The following CPEB3 variants were observed in gnomAD, a reference collection of about 807,000 sequenced individuals.
CPEB3 encodes cytoplasmic polyadenylation element-binding protein 3.
In CPEB3, 20 loss-of-function variants were observed where a neutral mutation model predicts 67.2. That is an observed-to-expected ratio of 0.30 (90% CI 0.21 to 0.43). The LOEUF (loss-of-function observed/expected upper bound fraction) is 0.43. Ranked by LOEUF, CPEB3 falls within the 20% of genes least tolerant of loss-of-function variation. The probability of loss-of-function intolerance (pLI) is 1.00; values close to 1 mark genes in which losing one functional copy is unlikely to be tolerated. For missense variants in CPEB3, 746 were observed against 968.6 expected, an observed-to-expected ratio of 0.77 and a Z score of 3.05; for synonymous variants, 376 against 393.1, an observed-to-expected ratio of 0.96 and a Z score of 0.51.
intron 1 of CPEB3, among the ~76,000 whole-genome samples, chr10:92,252,670 A>G (rs928670783): frequency 6.6e-6 from 1 of 151,886 alleles, no homozygotes; most frequent in Non-Finnish European, 1.5e-5. Context: ...GGTGCCTGCC[A>G]CCATGCCTGG....
intron 1 of CPEB3, among the ~76,000 whole-genome samples, chr10:92,284,611 G>A (rs940815347): frequency 2.6e-5 from 4 of 151,846 alleles, no homozygotes; most frequent in Non-Finnish European, 1.5e-5. Flanking sequence ...TTTTCTTGGG[G>A]CCTCGGTATA....
chr10:92,266,587 C>G (rs1397477010), intron 1 of CPEB3, among the ~76,000 whole-genome samples: 1 of 151,684 alleles, frequency 6.6e-6, no homozygotes, highest in Admixed American at 6.6e-5. Flanking sequence ...AGTAGTAAAC[C>G]AAAAAGACAA....
intron 1 of CPEB3, among the ~76,000 whole-genome samples, chr10:92,262,486 T>C (rs1198011297): frequency 6.6e-6 from 1 of 152,208 alleles, no homozygotes; most frequent in African/African-American, 2.4e-5. Context: ...CTAAAGTAAC[T>C]TGTCCTGGGT....
At chr10:92,065,603 GT>G (rs986146674) in intron 9 of CPEB3, among the ~76,000 whole-genome samples, 1 of 151,902 alleles carries the variant, frequency 6.6e-6, no homozygotes, top group African/African-American at 2.4e-5. Flanking sequence ...CCAGTTCACT[GT>G]TTTTTTTAGA....
At chr10:92,145,371 G>A (rs1216513198) in intron 4 of CPEB3, among the ~76,000 whole-genome samples, 3 of 152,186 alleles carry the variant, frequency 2.0e-5, no homozygotes, top group Non-Finnish European at 4.4e-5. Context: ...GCTCATGCCT[G>A]TAATCCCAGC....
intron 1 of CPEB3, among the ~76,000 whole-genome samples, chr10:92,257,120 T>C (rs1456483385): frequency 2.6e-5 from 4 of 152,242 alleles, no homozygotes; most frequent in Admixed American, 2.0e-4. Context: ...TTAATGTTTA[T>C]GAAGACATTC....
chr10:92,080,614 G>A (rs187732775), intron 9 of CPEB3, among the ~76,000 whole-genome samples: 3 of 149,266 alleles, frequency 2.0e-5, no homozygotes, highest in East Asian at 2.0e-4. Context: ...TTTTTTTTTA[G>A]ACGGAGCCTC....
At chr10:92,186,695 A>G (rs1848709829) in intron 3 of CPEB3, among the ~76,000 whole-genome samples, 1 of 152,166 alleles carries the variant, frequency 6.6e-6, no homozygotes, top group African/African-American at 2.4e-5. Context: ...TCAGCCTCCC[A>G]AAGTGCTGGG....
At chr10:92,250,858 A>AT (rs1211646953) in intron 1 of CPEB3, among the ~76,000 whole-genome samples, 18,636 of 104,046 alleles carry the variant, frequency 0.18, 2,391 homozygotes, top group Non-Finnish European at 0.24. Context: ...CACACAGTTA[A>AT]TTTTTTTTTT....
chr10:92,284,764 C>T (rs1842454116), intron 1 of CPEB3, among the ~76,000 whole-genome samples: 1 of 152,034 alleles, frequency 6.6e-6, no homozygotes, highest in South Asian at 2.1e-4. Flanking sequence ...AACTATAAAC[C>T]CCACAAACAA....
chr10:92,277,264 T>C (rs1052003996), intron 1 of CPEB3, among the ~76,000 whole-genome samples: 1 of 152,236 alleles, frequency 6.6e-6, no homozygotes, highest in African/African-American at 2.4e-5. Context: ...AAGAGTTATA[T>C]AGTGTGAGAT....
Position 92,240,282 on chromosome 10 carries a change from C to T in CPEB3, c.69G>A (p.Gln23=). The T allele has an allele frequency of 6.6e-7, 1 of 1,516,492 alleles. No individual in the cohort carries two copies. Among genetic ancestry groups the T allele is most frequent in the South Asian group, 1.3e-5 (1 of 78,470 alleles). 93.9% of individuals were successfully genotyped at this position (1,516,492 alleles called of 1,614,324 possible). ...CGCTGGACTCAGGTTGGGGCTGCTG[C>T]TGCTGCCGCTGCTGCTGCTGGGGCT... The part of the protein sequence containing the change: ...QPQPQQQQRQ[Q]QQPQPESSVS... Residue 23 remains glutamine, a synonymous_variant, in exon 2 of 10, where the codon CAG becomes CAA. Transcript: ENST00000265997.
intron 6 of CPEB3, among the ~76,000 whole-genome samples, chr10:92,127,503 C>A (rs1374011331): frequency 1.3e-5 from 2 of 151,938 alleles, no homozygotes; most frequent in Non-Finnish European, 2.9e-5. Flanking sequence ...TGGTGAGACC[C>A]CCATCTCTAC....
intron 2 of CPEB3, among the ~76,000 whole-genome samples, chr10:92,228,358 C>G (rs947119543): frequency 6.6e-6 from 1 of 152,134 alleles, no homozygotes; most frequent in African/African-American, 2.4e-5. Context: ...CTCTGCTTAT[C>G]TAGGTTATAT....
intron 2 of CPEB3, among the ~76,000 whole-genome samples, chr10:92,198,105 CAAATAAAATAA>C (rs1422988826): frequency 6.6e-6 from 1 of 152,066 alleles, no homozygotes; most frequent in Admixed American, 6.6e-5. Flanking sequence ...GACTCCATCT[CAAATAAAATAA>C]AAATAAAATA....
intron 3 of CPEB3, among the ~76,000 whole-genome samples, chr10:92,191,924 C>T (rs922866474): frequency 3.6e-4 from 55 of 152,114 alleles, no homozygotes; most frequent in African/African-American, 1.1e-3. Context: ...TTATATTTAA[C>T]CCAAAACATT....
rs1040140041 is a variant in CPEB3, at chr10:92,240,275, G to A, written c.76C>T (p.Pro26Ser). 2.0e-6 allele frequency: 3 copies of A among 1,512,838 alleles called. No individual in the cohort carries two copies. Among genetic ancestry groups the A allele is most frequent in the African/African-American group, 2.8e-5 (2 of 71,574 alleles). 93.7% of individuals were successfully genotyped at this position (1,512,838 alleles called of 1,614,324 possible). A position where few individuals can be genotyped will look rare whatever the true frequency, so the allele number is the denominator to read the frequency against. The change falls in exon 2 of 10, where the codon CCC becomes TCC. Residue 26 changes from proline (P) to serine (S), a missense_variant. Physicochemically the swap from Pro to Ser is moderately conservative, Grantham distance 74. Coordinates refer to ENST00000265997, the MANE Select transcript of CPEB3 (RefSeq NM_014912.5). ...PQQQQRQQQQ[P>S]QPESSVSEAP... ...TCGGATACGCTGGACTCAGGTTGGG[G>A]CTGCTGCTGCTGCCGCTGCTGCTGC...
chr10:92,128,688 G>A (rs929750280), intron 6 of CPEB3, among the ~76,000 whole-genome samples: 1 of 152,094 alleles, frequency 6.6e-6, no homozygotes, highest in African/African-American at 2.4e-5. Flanking sequence ...AGTGGGCAAA[G>A]GACATGAACA....
At chr10:92,101,201 C>T (rs1178860483) in intron 7 of CPEB3, among the ~76,000 whole-genome samples, 1 of 152,112 alleles carries the variant, frequency 6.6e-6, no homozygotes, top group Non-Finnish European at 1.5e-5. Flanking sequence ...ACCAAAGACC[C>T]CCTCAAAGCC....
Sources: gnomAD v4.1 joint callset for allele counts (sites outside exome capture counted in the v4.1 genomes callset) on GRCh38, gnomAD v4.1.1 for gene constraint, MANE v1.5 for transcripts, NCBI Gene and HGNC (gene_info 2026-07-23, HGNC 2026-07-21) for gene names.